Variants in ANK2 observed in about 807,000 individuals in gnomAD.
ANK2 encodes the protein ankyrin-2.
A neutral mutation model predicts 360.5 loss-of-function variants in ANK2; 83 were observed. The ratio of observed to expected loss-of-function variants is 0.23; its 90% CI spans 0.19 to 0.28. ANK2 has a LOEUF of 0.28. Among genes scored for constraint, ANK2 ranks in the 10% least tolerant of loss-of-function variants. The pLI, the probability that ANK2 is intolerant of heterozygous loss-of-function variation, is 1.00. For missense variants in ANK2, 4,201 were observed against 4,795.7 expected (o/e 0.88, Z 3.66); for synonymous variants, 1,740 against 1,759.5 (o/e 0.99, Z 0.28).
intron 1 of ANK2, among the ~76,000 whole-genome samples, chr4:113,163,237 T>C (rs1300622069): frequency 2.6e-5 from 4 of 152,182 alleles, no homozygotes; most frequent in Non-Finnish European, 5.9e-5. Context: ...TCTTTCAGTA[T>C]AATGTCGACT....
At chr4:113,164,199 T>C (rs2097670038) in intron 1 of ANK2, among the ~76,000 whole-genome samples, 1 of 152,196 alleles carries the variant, frequency 6.6e-6, no homozygotes, top group Non-Finnish European at 1.5e-5. Flanking sequence ...TAGAGTCAGA[T>C]GGTCACAGTG....
chr4:113,126,686 C>T (rs1437663983), intron 1 of ANK2, among the ~76,000 whole-genome samples: 1 of 152,082 alleles, frequency 6.6e-6, no homozygotes, highest in Non-Finnish European at 1.5e-5. Flanking sequence ...AGGGAGACAA[C>T]AAAGGACCCA....
At chr4:112,812,776 T>G in the ANK2 span, among the ~76,000 whole-genome samples, 32 of 152,212 alleles carry the variant, frequency 2.1e-4, no homozygotes, top group Non-Finnish European at 4.0e-4. Flanking sequence ...CTCTCCACGT[T>G]GATTCCTGTC....
chr4:112,782,855 G>A, the ANK2 span, among the ~76,000 whole-genome samples: 1 of 149,776 alleles, frequency 6.7e-6, no homozygotes, highest in Non-Finnish European at 1.5e-5. Flanking sequence ...GGTGACAAGA[G>A]TGAGACTCCA....
chr4:112,914,711 A>T (rs2089096710), intron 2 of ANK2, among the ~76,000 whole-genome samples: 1 of 152,200 alleles, frequency 6.6e-6, no homozygotes, highest in African/African-American at 2.4e-5. Flanking sequence ...GACCCAGCCC[A>T]TGTGGCTTCA....
chr4:113,119,594 G>A (rs773858588), intron 1 of ANK2, among the ~76,000 whole-genome samples: 1 of 151,980 alleles, frequency 6.6e-6, no homozygotes, highest in Non-Finnish European at 1.5e-5. Flanking sequence ...AATTATCATC[G>A]TTTATTTGCT....
chr4:113,273,809 G>T (rs1476841758), intron 14 of ANK2, among the ~76,000 whole-genome samples: 1 of 152,138 alleles, frequency 6.6e-6, no homozygotes, highest in Admixed American at 6.5e-5. Flanking sequence ...TTAATGGAAA[G>T]TACTTGGCAA....
chr4:113,355,729 G>A lies in ANK2; in HGVS notation c.7111G>A (p.Glu2371Lys), dbSNP rs1033059668. 6.2e-7 allele frequency: 1 copy of A among 1,614,128 alleles called. No individual in the cohort carries two copies. Among genetic ancestry groups the A allele is most frequent in the Non-Finnish European group, 8.5e-7 (1 of 1,179,994 alleles). The change falls in exon 38 of 46, where the codon GAA becomes AAA. Residue 2371 changes from glutamate to lysine, a missense_variant. Around this residue, in one of 4 missense-constraint regions of ANK2, gnomAD observed 2,642 missense variants for 2,714.5 expected, o/e 0.97. Coordinates refer to ENST00000357077, the MANE Select transcript of ANK2 (RefSeq NM_001148.6). Reference protein sequence around the residue: ...HKTQTDSEVQESTATSDETKA... With the variant: ...HKTQTDSEVQKSTATSDETKA... ...GACACAAACTGATAGTGAGGTTCAA[G>A]AATCCACAGCCACCTCAGACGAGAC...
At chr4:113,191,927 G>C (rs1350756018) in intron 2 of ANK2, among the ~76,000 whole-genome samples, 1 of 152,062 alleles carries the variant, frequency 6.6e-6, no homozygotes, top group Admixed American at 6.6e-5. Context: ...ATGTGGACAC[G>C]ATTTAGCCAA....
At chr4:113,049,140 C>G (rs2065834065), upstream of ANK2, among the ~76,000 whole-genome samples, 1 of 152,166 alleles carries the variant, frequency 6.6e-6, no homozygotes, top group Admixed American at 6.5e-5. Flanking sequence ...GGCTTTATGA[C>G]AGAAGTCATC....
chr4:112,744,515 A>C, the ANK2 span, among the ~76,000 whole-genome samples: 2 of 151,344 alleles, frequency 1.3e-5, no homozygotes, highest in Non-Finnish European at 2.9e-5. Flanking sequence ...CACCAGGCTA[A>C]TTTTTTGCAT....
chr4:112,881,224 G>A (rs1289508471), intron 1 of ANK2, among the ~76,000 whole-genome samples: 1 of 152,192 alleles, frequency 6.6e-6, no homozygotes, highest in Non-Finnish European at 1.5e-5. Context: ...GATCACTTGA[G>A]CTCAGGAGTT....
chr4:113,368,822 G>T (rs1207074306), intron 42 of ANK2, among the ~76,000 whole-genome samples: 1 of 152,130 alleles, frequency 6.6e-6, no homozygotes, highest in Admixed American at 6.5e-5. Context: ...AAGGACCAAG[G>T]AAAAGATGGG....
In ANK2 at chr4:113,357,144, A is replaced by G; in HGVS notation, c.8526A>G (p.Glu2842=). The G allele has an allele frequency of 3.7e-6, 6 of 1,614,130 alleles. No individual in the cohort carries two copies. The highest frequency in any genetic ancestry group is 5.1e-6 in the Non-Finnish European group (6 of 1,179,966). ...AESPQADCPS[E]SFSSSSSLPH... is the part of the protein sequence containing the mutation. Reference sequence around the variant, plus strand: ...CTCCACAAGCAGATTGCCCCAGTGAAAGCTTTTCATCTTCATCCTCTTTGC... The same window carrying G: ...CTCCACAAGCAGATTGCCCCAGTGAGAGCTTTTCATCTTCATCCTCTTTGC... The change falls in exon 38 of 46, where the codon GAA becomes GAG. Residue 2842 remains glutamate (E), a synonymous_variant. Transcript: ENST00000357077.
chr4:112,857,605 T>C (rs1222673049), intron 1 of ANK2, among the ~76,000 whole-genome samples: 2 of 152,192 alleles, frequency 1.3e-5, no homozygotes, highest in African/African-American at 4.8e-5. Context: ...TACAAGGCTC[T>C]AGTCAGGGTT....
At chr4:113,093,445 C>T (rs1462377994) in intron 1 of ANK2, among the ~76,000 whole-genome samples, 1 of 152,016 alleles carries the variant, frequency 6.6e-6, no homozygotes, top group Non-Finnish European at 1.5e-5. Flanking sequence ...CACTGCAACC[C>T]CTGCCTCCCA....
chr4:112,920,389 A>G (rs965666059), intron 2 of ANK2, among the ~76,000 whole-genome samples: 2 of 152,220 alleles, frequency 1.3e-5, no homozygotes, highest in South Asian at 2.1e-4. Flanking sequence ...CTGCCTTCCT[A>G]TAGCCAAATA....
At chr4:113,135,107 G>A (rs1157051749) in intron 1 of ANK2, among the ~76,000 whole-genome samples, 1 of 152,078 alleles carries the variant, frequency 6.6e-6, no homozygotes, top group African/African-American at 2.4e-5. Context: ...CTTTCTGTGA[G>A]TATTTATTGT....
At chr4:112,797,841 T>C in the ANK2 span, 1 of 153,156 alleles carries the variant, frequency 6.5e-6, no homozygotes, top group East Asian at 1.9e-4. Flanking sequence ...AAAGGATCTG[T>C]TCATACTGTT....
Sources: gnomAD v4.1 joint callset for allele counts (sites outside exome capture counted in the v4.1 genomes callset) on GRCh38, gnomAD v4.1.1 for gene constraint, gnomAD v4.1.1 regional missense constraint, MANE v1.5 for transcripts, NCBI Gene and HGNC (gene_info 2026-07-23, HGNC 2026-07-21) for gene names.